The following MAST3 variants were observed in gnomAD, a reference collection of about 807,000 sequenced individuals.
MAST3 encodes the protein microtubule associated serine/threonine kinase 3, also known as microtubule-associated serine/threonine-protein kinase 3.
A neutral mutation model predicts 127.0 loss-of-function variants in MAST3; 43 were observed. The ratio of observed to expected loss-of-function variants is 0.34; its 90% CI spans 0.27 to 0.44. MAST3 has a LOEUF of 0.44. MAST3 is among the 20% of genes least tolerant of loss of function. The probability of loss-of-function intolerance (pLI) is 1.00; values close to 1 mark genes in which losing one functional copy is unlikely to be tolerated. For synonymous variants in MAST3, 785 were observed against 809.2 expected (o/e 0.97, Z 0.51); for missense variants, 1,390 against 1,919.1 (o/e 0.72, Z 5.15).
Position 18,132,003 on chromosome 19 carries a change from C to T in MAST3, c.1527C>T (p.Tyr509=), listed in dbSNP as rs2041351844. 6.2e-7 allele frequency: 1 copy of T among 1,614,200 alleles called. No homozygotes were observed. Among genetic ancestry groups the T allele is most frequent in the Non-Finnish European group, 8.5e-7 (1 of 1,180,042 alleles). ...CCGAGACGGTGTTGGCGCTGGAGTA[C>T]CTGCATAACTATGGCATCGTGCACC... ...YFAETVLALE[Y]LHNYGIVHRD... is the part of the protein sequence containing the mutation. Residue 509 remains tyrosine, a synonymous_variant, in exon 15 of 28, where the codon TAC becomes TAT. Coordinates refer to ENST00000687212, the MANE Select transcript of MAST3 (RefSeq NM_001393504.1).
intron 1 of MAST3, among the ~76,000 whole-genome samples, chr19:18,101,870 T>G (rs1353993390): frequency 6.8e-6 from 1 of 146,148 alleles, no homozygotes; most frequent in African/African-American, 2.5e-5. Flanking sequence ...TTGGCCAGAA[T>G]GGCCTCAAAC....
intron 17 of MAST3, among the ~76,000 whole-genome samples, chr19:18,135,438 C>T (rs542926900): frequency 6.6e-6 from 1 of 152,060 alleles, no homozygotes; most frequent in Non-Finnish European, 1.5e-5. Flanking sequence ...GCACTCCAGC[C>T]TGGGTGACAG....
intron 1 of MAST3, among the ~76,000 whole-genome samples, chr19:18,103,405 T>C (rs1281114063): frequency 1.3e-5 from 2 of 151,876 alleles, no homozygotes; most frequent in Non-Finnish European, 2.9e-5. Flanking sequence ...AGCGTGGTGG[T>C]GGGCGCCTGT....
chr19:18,132,745 G>A (rs944572156), intron 15 of MAST3, among the ~76,000 whole-genome samples: 2 of 152,200 alleles, frequency 1.3e-5, no homozygotes, highest in Non-Finnish European at 2.9e-5. Context: ...GTGTCCTCGA[G>A]ATACGAGGCA....
rs1277508353 is a variant in MAST3, at chr19:18,139,102, C to T, written c.2183C>T (p.Ser728Phe). ...ESSTEIPQFS[S>F]CSHRFSKVYS... Reference sequence around the variant, plus strand: ...TCCACAGAGATCCCCCAGTTCTCCTCCTGCTCCCACCGGTTCAGCAAGGTG... The same window carrying T: ...TCCACAGAGATCCCCCAGTTCTCCTTCTGCTCCCACCGGTTCAGCAAGGTG... Residue 728 changes from serine (S) to phenylalanine (F), a missense_variant, in exon 20 of 28, where the codon TCC (serine) becomes TTC (phenylalanine). Ser to Phe is a radical substitution (Grantham distance 155, BLOSUM62 -2). Around this residue, in one of 5 missense-constraint regions of MAST3, gnomAD observed 816 missense variants for 934.1 expected, o/e 0.87. Coordinates refer to ENST00000687212, the MANE Select transcript of MAST3 (RefSeq NM_001393504.1). The T allele has an allele frequency of 2.5e-6, 4 of 1,602,176 alleles. No individual in the cohort carries two copies. Among genetic ancestry groups the T allele is most frequent in the South Asian group, 1.1e-5 (1 of 88,632 alleles).
chr19:18,110,825 C>T lies in MAST3; in HGVS notation c.161+84C>T, dbSNP rs2038521389. The T allele has an allele frequency of 1.4e-5, 9 of 657,444 alleles. No homozygotes were observed. The highest frequency in any genetic ancestry group is 1.7e-5 in the Non-Finnish European group (9 of 530,368). 40.7% of individuals were successfully genotyped at this position (657,444 alleles called of 1,614,324 possible). On this transcript the variant is annotated intron_variant, in intron 3 of 27. Coordinates refer to ENST00000687212, the MANE Select transcript of MAST3 (RefSeq NM_001393504.1). This position sits in a 1 kb window ranked among gnomAD's most constrained non-coding sequence, Gnocchi z 4.3. ...GAAACCCTCCAGACTCATCGGTCTC[C>T]TCAAGATACTGCAGGTTGGTGACAT... is the stretch of plus-strand genomic sequence containing the variant.
rs533854070 is a variant in MAST3, at chr19:18,135,780, A to G, written c.1911A>G (p.Ala637=). Residue 637 remains alanine (A), a synonymous_variant, in exon 18 of 28, where the codon GCA becomes GCG. Coordinates refer to ENST00000687212, the MANE Select transcript of MAST3 (RefSeq NM_001393504.1). ...CAGAGGGAGATGAGGCCCTTCCAGCAGACGCCCAGGACCTCATCACCAGGT... is the reference window on the plus strand; with the variant it reads ...CAGAGGGAGATGAGGCCCTTCCAGCGGACGCCCAGGACCTCATCACCAGGT... The part of the protein sequence containing the change: ...MWPEGDEALP[A]DAQDLITRLL... 4.0e-5 allele frequency: 65 copies of G among 1,612,408 alleles called. No individual in the cohort carries two copies. In the East Asian group the frequency reaches 5.6e-4, roughly 14 times the overall value.
Position 18,145,281 on chromosome 19 carries a change from C to G in MAST3, c.3039+52C>G. 1 of 1,539,280 alleles carries G rather than the reference C, an allele frequency of 6.5e-7. No individual in the cohort carries two copies. Among genetic ancestry groups the G allele is most frequent in the Non-Finnish European group, 9.0e-7 (1 of 1,114,472 alleles). On this transcript the variant is annotated intron_variant, in intron 24 of 27. Transcript: ENST00000687212. This position sits in a 1 kb window ranked among gnomAD's most constrained non-coding sequence, Gnocchi z 5.9. ...ACCCGGGTTCTAGTTTGACTCTGCCCGGTCATGTCCCTTCTCAGAGCTGCA... is the reference window on the plus strand; with the variant it reads ...ACCCGGGTTCTAGTTTGACTCTGCCGGGTCATGTCCCTTCTCAGAGCTGCA...
chr19:18,098,901 A>T (rs2037280099), intron 1 of MAST3: 2 of 410,240 alleles, frequency 4.9e-6, no homozygotes, highest in Non-Finnish European at 9.9e-6. Context: ...CGGAGTGATC[A>T]GTTGTGATAA....
intron 3 of MAST3, among the ~76,000 whole-genome samples, chr19:18,118,736 T>G (rs2039604302): frequency 6.6e-6 from 1 of 152,162 alleles, no homozygotes; most frequent in Non-Finnish European, 1.5e-5. Context: ...CAGTTTCCCC[T>G]TTTGAAAAGC....
chr19:18,124,200 A>AG (rs1219149092), intron 9 of MAST3, 52 bp downstream of exon 9: 11 of 1,590,454 alleles, frequency 6.9e-6, no homozygotes, highest in Non-Finnish European at 8.6e-6. Context: ...ACGTGGAGTG[A>AG]GGGGGGTCCC....
At position 18,123,632 on chromosome 19, in the gene MAST3, G is replaced by C. The variant is rs755519641; in HGVS notation, c.610G>C (p.Val204Leu). ...CAATGAGATTGTCATGATGAATCAC[G>C]TGTACCGGGAGAGGTTCCCCAAGGT... ...FDNEIVMMNH[V>L]YRERFPKATA... is the part of the protein sequence containing the mutation. Residue 204 changes from valine (V) to leucine (L), a missense_variant, in exon 8 of 28, where the codon GTG becomes CTG. This residue lies in a region of MAST3 where 277 missense variants were observed against 384.8 expected (regional missense o/e 0.72). Coordinates refer to ENST00000687212, the MANE Select transcript of MAST3 (RefSeq NM_001393504.1). The C allele has an allele frequency of 6.3e-7, 1 of 1,589,142 alleles. No homozygotes were observed. The highest frequency in any genetic ancestry group is 8.6e-7 in the Non-Finnish European group (1 of 1,168,396).
intron 3 of MAST3, among the ~76,000 whole-genome samples, chr19:18,117,809 C>T (rs71332122): frequency 0.49 from 74,111 of 151,798 alleles, 18,518 homozygotes; most frequent in South Asian, 0.64. Context: ...CCGCCGCCCG[C>T]GGTCGTAGCA....
intron 20 of MAST3, among the ~76,000 whole-genome samples, chr19:18,141,636 G>A (rs1384522159): frequency 6.6e-6 from 1 of 151,972 alleles, no homozygotes; most frequent in Non-Finnish European, 1.5e-5. Context: ...GCCTCCCAGA[G>A]TGGTGGGATT....
rs1051301316 is a variant in MAST3 at position 18,145,497 on chromosome 19, G to C, written c.3040-246G>C. Among the ~76,000 whole-genome samples the C allele has an allele frequency of 6.6e-6, 1 of 152,192 alleles. No homozygotes were observed. The highest frequency in any genetic ancestry group is 2.4e-5 in the African/African-American group (1 of 41,452). On this transcript the variant is annotated intron_variant, in intron 24 of 27. Coordinates refer to ENST00000687212, the MANE Select transcript of MAST3 (RefSeq NM_001393504.1). This position sits in a 1 kb window ranked among gnomAD's most constrained non-coding sequence, Gnocchi z 5.9. ...TGGGCATGTTATCCTCCCTCTCCCA[G>C]CCCAAGGGCGTCGAGGCATGCCCTC...
rs2147916446 is a variant in MAST3 at position 18,150,106 on chromosome 19, C to CTTGAAT, written c.*382_*383insGAATTT. The CTTGAAT allele has an allele frequency of 4.7e-6, 1 of 213,432 alleles. No homozygotes were observed. Among genetic ancestry groups the CTTGAAT allele is most frequent in the African/African-American group, 2.4e-5 (1 of 41,426 alleles). The allele number at this position is 213,432 out of a possible 1,614,324, so 13.2% of individuals were successfully genotyped here. On this transcript the variant is annotated 3_prime_UTR_variant, in exon 28 of 28. Transcript: ENST00000687212. ...AGTTCAAGCGATTGTCCTGCCTCAG[C>CTTGAAT]TTCCCAAGTGGCTGGGATTACAGGC...
chr19:18,147,385 G>A, intron 26 of MAST3, 58 bp from the exon 27 acceptor site: 1 of 1,509,094 alleles, frequency 6.6e-7, no homozygotes, highest in South Asian at 1.2e-5. Context: ...TTACAGGTGT[G>A]AGCCACCATG....
chr19:18,145,364 C>G lies in MAST3; in HGVS notation c.3039+135C>G, dbSNP rs560595883. 8.0e-5 allele frequency: 65 copies of G among 816,210 alleles called. No homozygotes were observed. The South Asian group carries it at 9.8e-4, about 12-fold the overall frequency. The allele number at this position is 816,210 out of a possible 1,614,324, so 50.6% of individuals were successfully genotyped here. ...CTGGTGCCACCGAGTTCATCTCGGT[C>G]CCTGTCATTTGGCAGGGAGGAGGTC... On this transcript the variant is annotated intron_variant, in intron 24 of 27. Coordinates refer to ENST00000687212, the MANE Select transcript of MAST3 (RefSeq NM_001393504.1). This position sits in a 1 kb window ranked among gnomAD's most constrained non-coding sequence, Gnocchi z 5.9.
At position 18,146,941 on chromosome 19, in the gene MAST3, C is replaced by A; in HGVS notation, c.3223C>A (p.Pro1075Thr). 6.4e-7 allele frequency: 1 copy of A among 1,558,942 alleles called. No homozygotes were observed. Among genetic ancestry groups the A allele is most frequent in the Non-Finnish European group, 8.7e-7 (1 of 1,151,338 alleles). ...GGAGAACACCTCCATCAAGGTGGGCCCCGCCCGGAAGAATGTGGCCAAGGG... is the reference window on the plus strand; with the variant it reads ...GGAGAACACCTCCATCAAGGTGGGCACCGCCCGGAAGAATGTGGCCAAGGG... ...ALENTSIKVG[P>T]ARKNVAKGRM... The change falls in exon 26 of 28, where the codon CCC (proline) becomes ACC (threonine). Residue 1075 changes from proline to threonine, a missense_variant. Coordinates refer to ENST00000687212, the MANE Select transcript of MAST3 (RefSeq NM_001393504.1).
Sources: gnomAD v4.1 joint callset for allele counts (sites outside exome capture counted in the v4.1 genomes callset) on GRCh38, gnomAD v4.1.1 for gene constraint, gnomAD v4.1.1 regional missense constraint, Gnocchi (gnomAD v3.1) non-coding constraint, MANE v1.5 for transcripts, NCBI Gene and HGNC (gene_info 2026-07-23, HGNC 2026-07-21) for gene names.